ACSBG1: variants seen among roughly 807,000 people sequenced by gnomAD.
The protein encoded by ACSBG1 is acyl-CoA synthetase bubblegum family member 1.
ACSBG1 carries 39 observed loss-of-function variants against 80.2 expected under a neutral mutation model. That is an observed-to-expected ratio of 0.49 (90% CI 0.38 to 0.64). The LOEUF is 0.64. Ranked by LOEUF, ACSBG1 falls within the 30% of genes least tolerant of loss-of-function variation. ACSBG1 has a pLI of 0.00. For synonymous variants in ACSBG1, 392 were observed against 379.5 expected (o/e 1.03, Z -0.38); for missense variants, 828 against 966.4 (o/e 0.86, Z 1.90).
rs747341690 is a variant in ACSBG1, at chr15:78,182,733, G to A, written c.716C>T (p.Pro239Leu). 2 of 1,614,252 alleles carry A rather than the reference G, an allele frequency of 1.2e-6. No homozygotes were observed. The highest frequency in any genetic ancestry group is 1.1e-5 in the South Asian group (1 of 91,092). ...LKAVVIYKEP[P>L]PNKMANVYTM... ...GTACACATTGGCCATCTTGTTTGGA[G>A]GAGGTTCTTTATATATCACGACTGC... Residue 239 changes from proline to leucine, a missense_variant, in exon 6 of 14, where the codon CCT (proline) becomes CTT (leucine). Transcript: ENST00000258873.
At chr15:78,225,732 G>A (rs1315175616) in intron 1 of ACSBG1, among the ~76,000 whole-genome samples, 1 of 151,842 alleles carries the variant, frequency 6.6e-6, no homozygotes, top group Non-Finnish European at 1.5e-5. Flanking sequence ...TAGTATATTA[G>A]GAATCTATTA....
intron 2 of ACSBG1, among the ~76,000 whole-genome samples, chr15:78,204,247 TA>T (rs1342159026): frequency 3.9e-5 from 6 of 152,352 alleles, no homozygotes; most frequent in Admixed American, 3.9e-4. Flanking sequence ...GTCATTGTTT[TA>T]GCTTTTTAAA....
Position 78,178,527 on chromosome 15 carries a change from C to G in ACSBG1, c.1702+87G>C, listed in dbSNP as rs1030673316. ...GTGCTGCCCAGGGTGGTCTTGAACT[C>G]CTGAGCTCAGACAATCTGCCCGCCT... is the stretch of plus-strand genomic sequence containing the variant. On this transcript the variant is annotated intron_variant, in intron 11 of 13. Transcript: ENST00000258873. This position sits in a 1 kb window ranked among gnomAD's most constrained non-coding sequence, Gnocchi z 4.3. 5 of 1,451,708 alleles carry G rather than the reference C, an allele frequency of 3.4e-6. No individual in the cohort carries two copies. Among genetic ancestry groups the G allele is most frequent in the Non-Finnish European group, 4.6e-6 (5 of 1,087,090 alleles). The allele number at this position is 1,451,708 out of a possible 1,614,324, so 89.9% of individuals were successfully genotyped here. A position where few individuals can be genotyped will look rare whatever the true frequency, so the allele number is the denominator to read the frequency against.
At chr15:78,183,012 G>A (rs997210360) in intron 5 of ACSBG1, 6 of 579,668 alleles carry the variant, frequency 1.0e-5, no homozygotes, top group African/African-American at 5.6e-5. Context: ...ACTCCCCATT[G>A]AAGGAAAACC....
At chr15:78,225,135 C>T (rs567821975) in intron 1 of ACSBG1, among the ~76,000 whole-genome samples, 2 of 152,314 alleles carry the variant, frequency 1.3e-5, no homozygotes, top group East Asian at 3.9e-4. Context: ...CACAGTGGCT[C>T]ACACCTGTAA....
At position 78,197,013 on chromosome 15, in the gene ACSBG1, A is replaced by G. The variant is rs574137668; in HGVS notation, c.233-2287T>C. Among the ~76,000 whole-genome samples, 9 of 152,172 alleles carry G rather than the reference A, an allele frequency of 5.9e-5. No individual in the cohort carries two copies. The South Asian group carries it at 1.9e-3, about 32-fold the overall frequency. On this transcript the variant is annotated intron_variant, in intron 2 of 13. Transcript: ENST00000258873. ...TGGGAGGTCAAGGCTGCAGTGAGCCATGATTGCACCACTGCACTCCAGCCT... is the reference window on the plus strand; with the variant it reads ...TGGGAGGTCAAGGCTGCAGTGAGCCGTGATTGCACCACTGCACTCCAGCCT...
rs962412616 is a variant in ACSBG1, at chr15:78,177,080, T to C, written c.1702+1534A>G. 3.9e-5 allele frequency among the ~76,000 whole-genome samples: 6 copies of C among 152,232 alleles called. No homozygotes were observed. The highest frequency in any genetic ancestry group is 4.8e-5 in the African/African-American group (2 of 41,470). ...GTATTTTTCTCACCAAATTGATCTA[T>C]AGATTCAATGAAATCAAAATCAAAA... On this transcript the variant is annotated intron_variant, in intron 11 of 13. Coordinates refer to ENST00000258873, the MANE Select transcript of ACSBG1 (RefSeq NM_015162.5). This position sits in a 1 kb window ranked among gnomAD's most constrained non-coding sequence, Gnocchi z 4.1.
intron 1 of ACSBG1, among the ~76,000 whole-genome samples, chr15:78,208,443 C>T (rs751955178): frequency 2.0e-5 from 3 of 152,158 alleles, no homozygotes; most frequent in African/African-American, 4.8e-5. Flanking sequence ...TGGATGAGGA[C>T]GGGGCTAAGG....
At chr15:78,173,344 C>A (rs1454556559) in intron 13 of ACSBG1, among the ~76,000 whole-genome samples, 18 of 75,234 alleles carry the variant, frequency 2.4e-4, no homozygotes, top group East Asian at 1.7e-3. Context: ...GACTCCATCT[C>A]AAAAAAAAAA....
At chr15:78,233,023 C>A (rs915954813) in intron 1 of ACSBG1, among the ~76,000 whole-genome samples, 1 of 152,214 alleles carries the variant, frequency 6.6e-6, no homozygotes, top group Non-Finnish European at 1.5e-5. Context: ...TCTCGCCTGG[C>A]CTTCCTGCTC....
At chr15:78,198,819 G>A (rs1378904726) in intron 2 of ACSBG1, among the ~76,000 whole-genome samples, 1 of 152,138 alleles carries the variant, frequency 6.6e-6, no homozygotes, top group African/African-American at 2.4e-5. Context: ...AGGTGGCAGG[G>A]GAGAGAGATC....
At chr15:78,211,288 G>A (rs550230086) in intron 1 of ACSBG1, among the ~76,000 whole-genome samples, 32 of 152,224 alleles carry the variant, frequency 2.1e-4, no homozygotes, top group Admixed American at 3.9e-4. Flanking sequence ...CACGCCGAAG[G>A]CGATTAACAT....
chr15:78,221,320 C>T (rs552865780), intron 1 of ACSBG1, among the ~76,000 whole-genome samples: 8 of 152,094 alleles, frequency 5.3e-5, no homozygotes, highest in South Asian at 2.1e-4. Context: ...AGGAAACATG[C>T]GAGTAACAGA....
intron 1 of ACSBG1, among the ~76,000 whole-genome samples, chr15:78,224,524 C>T (rs1482732413): frequency 6.6e-6 from 1 of 151,860 alleles, no homozygotes; most frequent in Non-Finnish European, 1.5e-5. Context: ...TCGAGGCCAC[C>T]CTGGCTAACA....
chr15:78,171,626 A>C, intron 13 of ACSBG1, 97 bp from the exon 14 acceptor site: 5 of 1,011,810 alleles, frequency 4.9e-6, no homozygotes, highest in East Asian at 2.6e-5. Context: ...TATATAACTC[A>C]GGAATTAAGC....
At position 78,174,493 on chromosome 15, in the gene ACSBG1, C is replaced by T. The variant is rs201403800; in HGVS notation, c.1734G>A (p.Val578=). The change falls in exon 12 of 14, where the codon GTG becomes GTA. Residue 578 remains valine, a synonymous_variant. Coordinates refer to ENST00000258873, the MANE Select transcript of ACSBG1 (RefSeq NM_015162.5). ...ELIITAGGEN[V]PPVPIEEAVK... ...CGGCCTCCTCGATGGGCACAGGGGG[C>T]ACATTCTCCCCACCAGCTGTGATGA... is the stretch of plus-strand genomic sequence containing the variant. The T allele has an allele frequency of 8.1e-6, 13 of 1,614,174 alleles. No homozygotes were observed. The East Asian group carries it at 2.9e-4, about 36-fold the overall frequency.
chr15:78,185,072 AG>A (rs2074987610), intron 5 of ACSBG1, among the ~76,000 whole-genome samples: 1 of 151,752 alleles, frequency 6.6e-6, no homozygotes, highest in African/African-American at 2.4e-5. Context: ...AGAGAGAGAG[AG>A]AGAGAGAGGA....
intron 1 of ACSBG1, chr15:78,209,349 G>A (rs1331873167): frequency 2.8e-5 from 12 of 435,694 alleles, no homozygotes; most frequent in Admixed American, 1.9e-4. Context: ...CCGTTCTTGC[G>A]AAATTTGTGA....
intron 1 of ACSBG1, among the ~76,000 whole-genome samples, chr15:78,232,266 C>T (rs550722739): frequency 2.0e-5 from 3 of 152,340 alleles, no homozygotes; most frequent in East Asian, 3.9e-4. Flanking sequence ...AAAGGTTAAA[C>T]AATGTATCCA....
Sources: gnomAD v4.1 joint callset for allele counts (sites outside exome capture counted in the v4.1 genomes callset) on GRCh38, gnomAD v4.1.1 for gene constraint, Gnocchi (gnomAD v3.1) non-coding constraint, MANE v1.5 for transcripts, NCBI Gene and HGNC (gene_info 2026-07-23, HGNC 2026-07-21) for gene names.